The following CCBE1 variants were observed in gnomAD, a reference collection of about 807,000 sequenced individuals.
CCBE1 encodes collagen and calcium-binding EGF domain-containing protein 1.
Under a neutral mutation model 50.0 loss-of-function variants are expected in CCBE1, and 37 were observed. The ratio of observed to expected loss-of-function variants is 0.74; its 90% CI spans 0.57 to 0.97. The LOEUF (loss-of-function observed/expected upper bound fraction) is 0.97. CCBE1 is among the 50% of genes least tolerant of loss of function. The probability of loss-of-function intolerance (pLI) is 0.00; values close to 1 mark genes in which losing one functional copy is unlikely to be tolerated. For missense variants in CCBE1, 538 were observed against 523.8 expected (o/e 1.03, Z -0.26); for synonymous variants, 234 against 203.7 (o/e 1.15, Z -1.27).
intron 2 of CCBE1, among the ~76,000 whole-genome samples, chr18:59,600,547 G>C (rs1386553698): frequency 6.6e-6 from 1 of 152,058 alleles, no homozygotes; most frequent in East Asian, 1.9e-4. Flanking sequence ...AAAAGGTTGG[G>C]GACCACCACT....
chr18:59,488,732 A>G (rs1912945500), intron 2 of CCBE1, among the ~76,000 whole-genome samples: 1 of 152,168 alleles, frequency 6.6e-6, no homozygotes. Context: ...CTCATCTGTA[A>G]AATGGGATAG....
chr18:59,494,512 A>G (rs1913255803), intron 2 of CCBE1, among the ~76,000 whole-genome samples: 1 of 117,570 alleles, frequency 8.5e-6, no homozygotes, highest in South Asian at 3.3e-4. Context: ...GAGTTGAAAA[A>G]TGAGGACAGA....
At chr18:59,583,680 TGCGC>T (rs35460738) in intron 2 of CCBE1, among the ~76,000 whole-genome samples, 5,164 of 59,324 alleles carry the variant, frequency 0.087, 150 homozygotes, top group South Asian at 0.12. Flanking sequence ...TGTGTGTGTG[TGCGC>T]GCGCGCGCGC....
intron 7 of CCBE1, 85 bp from the exon 8 acceptor site, chr18:59,439,901 C>A: frequency 6.9e-7 from 1 of 1,459,496 alleles, no homozygotes; most frequent in Non-Finnish European, 9.4e-7. Flanking sequence ...ACCCCTGCAG[C>A]CATTTCTCTT....
At chr18:59,614,160 C>A (rs2053608130) in intron 2 of CCBE1, among the ~76,000 whole-genome samples, 1 of 152,108 alleles carries the variant, frequency 6.6e-6, no homozygotes, top group Admixed American at 6.6e-5. Flanking sequence ...CACACACCGC[C>A]ATGCCCCGCT....
intron 3 of CCBE1, among the ~76,000 whole-genome samples, chr18:59,479,371 G>A (rs1312697463): frequency 6.6e-6 from 1 of 152,058 alleles, no homozygotes. Flanking sequence ...ACTGCCCTGG[G>A]CCTCTGTGTA....
intron 2 of CCBE1, among the ~76,000 whole-genome samples, chr18:59,605,159 CT>C (rs1478542791): frequency 2.0e-5 from 3 of 152,142 alleles, no homozygotes; most frequent in Admixed American, 6.5e-5. Flanking sequence ...GCTGCTCCCC[CT>C]AGGAGGCACA....
At chr18:59,584,818 C>T (rs1042057341) in intron 2 of CCBE1, among the ~76,000 whole-genome samples, 9 of 152,196 alleles carry the variant, frequency 5.9e-5, no homozygotes, top group Non-Finnish European at 1.2e-4. Flanking sequence ...AACCTCTTTT[C>T]TTTATAAATT....
At position 59,553,212 on chromosome 18, in the gene CCBE1, AAG is replaced by A. The variant is rs201615569; in HGVS notation, c.213-72976_213-72975del. On this transcript the variant is annotated intron_variant, in intron 2 of 10. Transcript: ENST00000439986. Reference sequence around the variant, plus strand: ...CTACTCAGCCAGTCTACCCTGGAGAAAGAGTTTACCCTCATTTCATCACAGTC... The same window carrying A: ...CTACTCAGCCAGTCTACCCTGGAGAAAGTTTACCCTCATTTCATCACAGTC... Among the ~76,000 whole-genome samples, 10 of 122,914 alleles carry A rather than the reference AAG, an allele frequency of 8.1e-5. No homozygotes were observed. In the East Asian group the frequency reaches 2.3e-3, roughly 28 times the overall value. 80.6% of individuals were successfully genotyped at this position (122,914 alleles called of 152,430 possible). A position where few individuals can be genotyped will look rare whatever the true frequency, so the allele number is the denominator to read the frequency against.
intron 2 of CCBE1, among the ~76,000 whole-genome samples, chr18:59,658,524 T>G (rs2054236386): frequency 6.9e-6 from 1 of 145,160 alleles, no homozygotes. Flanking sequence ...GCTGTGATTG[T>G]GCCACTGCAC....
intron 2 of CCBE1, among the ~76,000 whole-genome samples, chr18:59,547,067 G>GAGAGGAGGAC (rs1915722080): frequency 1.9e-5 from 2 of 104,180 alleles, no homozygotes; most frequent in Admixed American, 1.9e-4. Context: ...GAGAGGGGGA[G>GAGAGGAGGAC]AGAGGGGGAG....
Position 59,685,136 on chromosome 18 carries a change from A to G in CCBE1, c.212+11493T>C, listed in dbSNP as rs144569082. Among the ~76,000 whole-genome samples the G allele has an allele frequency of 9.1e-3, 1,384 of 152,298 alleles. 22 individuals are homozygous for G. The highest frequency in any genetic ancestry group is 0.017 in the Middle Eastern group (5 of 294). On this transcript the variant is annotated intron_variant, in intron 2 of 10. Transcript: ENST00000439986. Reference sequence around the variant, plus strand: ...ATGCAGTGCAGCAACAAAGCAAAATATATTTTTTTTAATGCACCAAAGGTC... The same window carrying G: ...ATGCAGTGCAGCAACAAAGCAAAATGTATTTTTTTTAATGCACCAAAGGTC...
At chr18:59,498,898 T>A (rs1913481127) in intron 2 of CCBE1, among the ~76,000 whole-genome samples, 2 of 152,246 alleles carry the variant, frequency 1.3e-5, no homozygotes, top group African/African-American at 2.4e-5. Flanking sequence ...AAATGCTTTT[T>A]AATCTGGTCT....
intron 6 of CCBE1, 106 bp from the exon 7 acceptor site, chr18:59,448,209 T>C: frequency 1.3e-6 from 2 of 1,500,274 alleles, no homozygotes; most frequent in South Asian, 2.4e-5. Context: ...GACATATGTA[T>C]ATACTTTTTA....
intron 2 of CCBE1, among the ~76,000 whole-genome samples, chr18:59,484,038 AGATATAAATTTATGAT>A (rs948827902): frequency 6.6e-6 from 1 of 152,188 alleles, no homozygotes; most frequent in Non-Finnish European, 1.5e-5. Flanking sequence ...AAGCCCATGA[AGATATAAATTTATGAT>A]GAGGTACCAG....
At chr18:59,612,343 A>AG (rs1555698258) in intron 2 of CCBE1, among the ~76,000 whole-genome samples, 1 of 151,336 alleles carries the variant, frequency 6.6e-6, no homozygotes, top group Non-Finnish European at 1.5e-5. Context: ...AAAAAAAAAA[A>AG]CAAACAATCC....
At chr18:59,442,970 C>T (rs1015625544) in intron 7 of CCBE1, among the ~76,000 whole-genome samples, 26 of 151,632 alleles carry the variant, frequency 1.7e-4, no homozygotes, top group Admixed American at 3.3e-4. Context: ...ACCTGCCCAT[C>T]TCTGTAGAGG....
intron 2 of CCBE1, among the ~76,000 whole-genome samples, chr18:59,560,434 CA>C (rs1161970364): frequency 6.6e-6 from 1 of 152,142 alleles, no homozygotes; most frequent in East Asian, 1.9e-4. Context: ...GAACATCACA[CA>C]CCGGGGCCTG....
intron 2 of CCBE1, among the ~76,000 whole-genome samples, chr18:59,692,008 G>A (rs1271655802): frequency 6.6e-6 from 1 of 152,192 alleles, no homozygotes; most frequent in African/African-American, 2.4e-5. Flanking sequence ...TGTTAGTCAG[G>A]GAGGTAGCAG....
Sources: allele counts gnomAD v4.1 joint callset (sites outside exome capture counted in the v4.1 genomes callset), GRCh38; gene constraint gnomAD v4.1.1; transcripts MANE v1.5; gene names NCBI Gene and HGNC (gene_info 2026-07-23, HGNC 2026-07-21).